Variants in SGTB observed in about 807,000 individuals in gnomAD.
The protein encoded by SGTB is small glutamine rich tetratricopeptide repeat co-chaperone beta, also known as small glutamine-rich tetratricopeptide repeat-containing protein beta.
In SGTB, 19 loss-of-function variants were observed where a neutral mutation model predicts 43.9. That is an observed-to-expected ratio of 0.43 (90% CI 0.30 to 0.63). The LOEUF is 0.63. SGTB is among the 30% of genes least tolerant of loss of function. The probability of loss-of-function intolerance (pLI) is 0.12; values close to 1 mark genes in which losing one functional copy is unlikely to be tolerated. For synonymous variants in SGTB, 116 were observed against 117.3 expected, an observed-to-expected ratio of 0.99 and a Z score of 0.07; for missense variants, 304 against 358.9, an observed-to-expected ratio of 0.85 and a Z score of 1.24.
intron 2 of SGTB, among the ~76,000 whole-genome samples, chr5:65,714,443 T>C (rs916474426): frequency 6.6e-6 from 1 of 152,226 alleles, no homozygotes; most frequent in Non-Finnish European, 1.5e-5. Context: ...TCTATTTTTA[T>C]TGTATGGCAA....
intron 8 of SGTB, among the ~76,000 whole-genome samples, chr5:65,678,401 C>T (rs1385517056): frequency 3.3e-5 from 5 of 152,130 alleles, no homozygotes; most frequent in African/African-American, 1.2e-4. Context: ...GAATCAAAAT[C>T]GTGAAAATGG....
rs753667478 is a variant in SGTB at position 65,670,218 on chromosome 5, G to A, written c.*28C>T. 6.3e-6 allele frequency: 10 copies of A among 1,598,624 alleles called. No individual in the cohort carries two copies. The highest frequency in any genetic ancestry group is 7.7e-6 in the Non-Finnish European group (9 of 1,166,222). On this transcript the variant is annotated 3_prime_UTR_variant, in exon 11 of 11. Transcript: ENST00000381007. ...CTTCATTCATAGCCATAAACCATTT[G>A]TATCTTGGGCTTGAGCCCCTGGTTA...
At chr5:65,672,903 G>A (rs1581243807) in intron 8 of SGTB, among the ~76,000 whole-genome samples, 1 of 152,308 alleles carries the variant, frequency 6.6e-6, no homozygotes, top group East Asian at 1.9e-4. Context: ...TTACCAGAAA[G>A]ATCACTGACT....
intron 5 of SGTB, among the ~76,000 whole-genome samples, chr5:65,685,950 T>C (rs898493225): frequency 1.3e-5 from 2 of 152,218 alleles, no homozygotes; most frequent in Non-Finnish European, 1.5e-5. Context: ...TAAGGCCAAC[T>C]GTATTTTATT....
chr5:65,691,691 A>G (rs977931941), intron 5 of SGTB, among the ~76,000 whole-genome samples: 39 of 150,148 alleles, frequency 2.6e-4, no homozygotes, highest in African/African-American at 8.7e-4. Context: ...CTGTAATCCC[A>G]GCACTTTGGG....
At chr5:65,707,722 C>T (rs896182446) in intron 4 of SGTB, among the ~76,000 whole-genome samples, 2 of 152,134 alleles carry the variant, frequency 1.3e-5, no homozygotes, top group Non-Finnish European at 2.9e-5. Flanking sequence ...TGTAGACCAC[C>T]GTGCCCGGCC....
intron 3 of SGTB, among the ~76,000 whole-genome samples, chr5:65,710,683 G>C (rs996253555): frequency 3.9e-5 from 6 of 152,130 alleles, no homozygotes; most frequent in African/African-American, 1.4e-4. Context: ...AGCCATAGCT[G>C]TAAAATAGGA....
At chr5:65,722,549 G>T (rs1216659672), upstream of SGTB, 8 of 810,110 alleles carry the variant, frequency 9.9e-6, no homozygotes, top group Admixed American at 2.2e-4. Flanking sequence ...CCCGCGGCTT[G>T]CAAGGTGGAC....
chr5:65,684,503 A>C, intron 6 of SGTB, among the ~76,000 whole-genome samples: 1 of 152,170 alleles, frequency 6.6e-6, no homozygotes, highest in East Asian at 1.9e-4. Flanking sequence ...TGGAGAAGGT[A>C]CAAGGGAATG....
rs890997325 is a variant in SGTB at position 65,713,059 on chromosome 5, T to C, written c.106A>G (p.Ile36Val). 3 of 1,603,462 alleles carry C rather than the reference T, an allele frequency of 1.9e-6. No individual in the cohort carries two copies. The highest frequency in any genetic ancestry group is 3.5e-5 in the Admixed American group (2 of 57,368). The change falls in exon 3 of 11, where the codon ATT becomes GTT. Residue 36 changes from isoleucine to valine, a missense_variant. Ile to Val is a conservative substitution (Grantham distance 29). Transcript: ENST00000381007. ...TTAAAAACTGTCTCCAAGCACTGAA[T>C]TGCAACTTGAAATAAATTTTAATAG... ...SDEQESLEVA[I>V]QCLETVFKIS...
chr5:65,714,681 T>G (rs1579887877), intron 2 of SGTB, among the ~76,000 whole-genome samples: 1 of 152,192 alleles, frequency 6.6e-6, no homozygotes, highest in Middle Eastern at 3.4e-3. Context: ...CAGATGTGAT[T>G]GCATGCCCCT....
At chr5:65,697,544 A>T (rs1757736323) in intron 5 of SGTB, among the ~76,000 whole-genome samples, 1 of 152,232 alleles carries the variant, frequency 6.6e-6, no homozygotes. Context: ...ATGTTAAAAC[A>T]CTAAAACATT....
chr5:65,670,440 A>C, intron 10 of SGTB, 83 bp from the exon 11 acceptor site: 4 of 1,147,222 alleles, frequency 3.5e-6, no homozygotes, highest in East Asian at 2.4e-5. Flanking sequence ...AAAATGTAGG[A>C]GCTACCTAAA....
At chr5:65,695,221 A>C (rs1399438673) in intron 5 of SGTB, among the ~76,000 whole-genome samples, 2 of 152,182 alleles carry the variant, frequency 1.3e-5, no homozygotes, top group Non-Finnish European at 2.9e-5. Flanking sequence ...TGTATGGAAA[A>C]GGGAAACAGA....
chr5:65,704,697 T>G (rs1561163720), intron 4 of SGTB, among the ~76,000 whole-genome samples: 1 of 152,186 alleles, frequency 6.6e-6, no homozygotes, highest in Admixed American at 6.5e-5. Context: ...CTTCCTTATC[T>G]TCATCTCTCT....
rs996322986 is a variant in SGTB at position 65,668,917 on chromosome 5, C to G, written c.*1329G>C. Reference sequence around the variant, plus strand: ...AAGACTCCATCTCAAAAAAACCCCACAAAATTTATATTACTTCCTTTTTCA... The same window carrying G: ...AAGACTCCATCTCAAAAAAACCCCAGAAAATTTATATTACTTCCTTTTTCA... On this transcript the variant is annotated 3_prime_UTR_variant, in exon 11 of 11. Transcript: ENST00000381007. 7.2e-5 allele frequency: 11 copies of G among 152,020 alleles called. No homozygotes were observed. The highest frequency in any genetic ancestry group is 2.7e-4 in the African/African-American group (11 of 41,400). The allele number at this position is 152,020 out of a possible 1,614,324, so 9.4% of individuals were successfully genotyped here.
intron 6 of SGTB, among the ~76,000 whole-genome samples, chr5:65,682,031 G>A (rs943989919): frequency 6.6e-6 from 1 of 152,022 alleles, no homozygotes; most frequent in Non-Finnish European, 1.5e-5. Flanking sequence ...TCTACCTGGG[G>A]AAGACAGGCA....
intron 6 of SGTB, among the ~76,000 whole-genome samples, chr5:65,682,119 T>G (rs546039222): frequency 1.3e-5 from 2 of 152,204 alleles, no homozygotes; most frequent in South Asian, 4.1e-4. Context: ...ATTGGAAAGA[T>G]CTGAGTGATG....
At position 65,674,324 on chromosome 5, in the gene SGTB, G is replaced by T. The variant is rs561982020; in HGVS notation, c.682-2043C>A. 3.9e-5 allele frequency among the ~76,000 whole-genome samples: 6 copies of T among 152,214 alleles called. No homozygotes were observed. The South Asian group carries it at 1.2e-3, about 32-fold the overall frequency. ...GTCCTCCAGAGATTCTCTGTGTTGG[G>T]ATCCTGTCACACTTCCAGGAAAGCC... On this transcript the variant is annotated intron_variant, in intron 8 of 10. Coordinates refer to ENST00000381007, the MANE Select transcript of SGTB (RefSeq NM_019072.3).
Sources: gnomAD v4.1 joint callset for allele counts (sites outside exome capture counted in the v4.1 genomes callset) on GRCh38, gnomAD v4.1.1 for gene constraint, MANE v1.5 for transcripts, NCBI Gene and HGNC (gene_info 2026-07-23, HGNC 2026-07-21) for gene names.